Variants in SGCZ observed in about 807,000 individuals in gnomAD.
SGCZ encodes the protein zeta-sarcoglycan.
A neutral mutation model predicts 41.3 loss-of-function variants in SGCZ; 40 were observed. The observed-to-expected ratio is 0.97, with a 90% CI of 0.75 to 1.26. The LOEUF (loss-of-function observed/expected upper bound fraction) is 1.26. Ranked by LOEUF, SGCZ falls within the 50% of genes most tolerant of loss-of-function variation. SGCZ has a pLI of 0.00. For missense variants in SGCZ, 552 were observed against 369.8 expected, an observed-to-expected ratio of 1.49 and a Z score of -4.04; for synonymous variants, 206 against 137.5, an observed-to-expected ratio of 1.50 and a Z score of -3.49.
At chr8:14,316,812 GACACACACACACACACACAC>G (rs55956388) in intron 3 of SGCZ, among the ~76,000 whole-genome samples, 4 of 142,498 alleles carry the variant, frequency 2.8e-5, no homozygotes, top group African/African-American at 1.0e-4. Context: ...ATTTATTATA[GACACACACACACACACACAC>G]ACACACACAC....
intron 1 of SGCZ, among the ~76,000 whole-genome samples, chr8:14,614,431 A>G (rs1345543074): frequency 6.6e-6 from 1 of 152,194 alleles, no homozygotes; most frequent in East Asian, 1.9e-4. Flanking sequence ...AAAGTTCTGT[A>G]TATGCATTAA....
intron 1 of SGCZ, among the ~76,000 whole-genome samples, chr8:14,871,958 G>A (rs1404458223): frequency 6.7e-6 from 1 of 150,038 alleles, no homozygotes; most frequent in Admixed American, 6.7e-5. Context: ...ATATATATAG[G>A]ACATATACAC....
At chr8:14,717,166 G>GA (rs1487855255) in intron 1 of SGCZ, among the ~76,000 whole-genome samples, 1 of 151,882 alleles carries the variant, frequency 6.6e-6, no homozygotes, top group Non-Finnish European at 1.5e-5. Context: ...GTATCATTTA[G>GA]AAAAATTTTT....
chr8:15,033,845 C>T (rs572842969), intron 1 of SGCZ, among the ~76,000 whole-genome samples: 10 of 152,214 alleles, frequency 6.6e-5, no homozygotes, highest in Non-Finnish European at 1.0e-4. Context: ...ATTCAGGCAC[C>T]GTACTCAACC....
chr8:14,606,288 A>T (rs1011725931), intron 1 of SGCZ, among the ~76,000 whole-genome samples: 1 of 152,008 alleles, frequency 6.6e-6, no homozygotes, highest in Non-Finnish European at 1.5e-5. Context: ...TTCTTGCTTC[A>T]TATTCACTAA....
At chr8:14,891,240 C>G (rs1805005000) in intron 1 of SGCZ, among the ~76,000 whole-genome samples, 1 of 152,172 alleles carries the variant, frequency 6.6e-6, no homozygotes. Context: ...GCATAGTAAA[C>G]TGAAAACCTT....
chr8:14,952,340 C>G (rs1266985432), intron 1 of SGCZ, among the ~76,000 whole-genome samples: 1 of 151,652 alleles, frequency 6.6e-6, no homozygotes, highest in African/African-American at 2.4e-5. Flanking sequence ...AAGGTTTTTC[C>G]TTTTTTTTCC....
At chr8:14,274,666 A>G (rs566230373) in intron 3 of SGCZ, among the ~76,000 whole-genome samples, 28 of 152,120 alleles carry the variant, frequency 1.8e-4, no homozygotes, top group Non-Finnish European at 3.5e-4. Context: ...CTCCCTAAAC[A>G]TTTATTTAGA....
intron 3 of SGCZ, among the ~76,000 whole-genome samples, chr8:14,317,165 A>T (rs1175378614): frequency 2.0e-5 from 3 of 152,090 alleles, no homozygotes. Context: ...CATGTAAAAC[A>T]TTTAGCGCAA....
chr8:15,033,160 A>T (rs1803744462), intron 1 of SGCZ, among the ~76,000 whole-genome samples: 1 of 149,916 alleles, frequency 6.7e-6, no homozygotes, highest in Admixed American at 6.6e-5. Context: ...CTAGACCCCA[A>T]GTCTGAATGA....
intron 1 of SGCZ, among the ~76,000 whole-genome samples, chr8:15,222,058 G>A (rs80321631): frequency 0.067 from 10,135 of 152,068 alleles, 449 homozygotes; most frequent in Middle Eastern, 0.12. Flanking sequence ...TCGTAATTAC[G>A]TAACATTTTC....
intron 3 of SGCZ, among the ~76,000 whole-genome samples, chr8:14,264,573 T>C (rs893547878): frequency 6.6e-6 from 1 of 152,094 alleles, no homozygotes; most frequent in Admixed American, 6.6e-5. Flanking sequence ...AAAATGGGCT[T>C]AGAGCATTAT....
At chr8:14,797,991 T>A (rs545889235) in intron 1 of SGCZ, among the ~76,000 whole-genome samples, 3 of 152,194 alleles carry the variant, frequency 2.0e-5, no homozygotes, top group Admixed American at 1.3e-4. Flanking sequence ...AATACCTGCA[T>A]GTCTAAGCAG....
chr8:15,053,092 C>T (rs546124796), intron 1 of SGCZ, among the ~76,000 whole-genome samples: 3 of 152,208 alleles, frequency 2.0e-5, no homozygotes, highest in African/African-American at 2.4e-5. Flanking sequence ...GAGCTCCTAC[C>T]TTGACCTTGT....
intron 1 of SGCZ, among the ~76,000 whole-genome samples, chr8:14,789,310 A>T (rs1046052204): frequency 5.3e-5 from 8 of 152,200 alleles, no homozygotes; most frequent in Non-Finnish European, 1.2e-4. Flanking sequence ...GCCTCATTCA[A>T]CCTCATCTGG....
intron 2 of SGCZ, among the ~76,000 whole-genome samples, chr8:14,530,246 T>C (rs888688259): frequency 4.6e-5 from 7 of 152,064 alleles, no homozygotes; most frequent in Admixed American, 3.9e-4. Context: ...TACCCTAAAA[T>C]AGAGTAATGC....
chr8:14,258,284 C>A (rs1056896171), intron 3 of SGCZ, among the ~76,000 whole-genome samples: 1 of 152,082 alleles, frequency 6.6e-6, no homozygotes, highest in Non-Finnish European at 1.5e-5. Flanking sequence ...ATTAAACTTA[C>A]ACCATTAATC....
chr8:14,746,241 CT>C (rs1178624512), intron 1 of SGCZ, among the ~76,000 whole-genome samples: 2 of 152,030 alleles, frequency 1.3e-5, no homozygotes, highest in Non-Finnish European at 2.9e-5. Context: ...AAAAAACCTG[CT>C]TTTTATTCCA....
chr8:14,742,210 T>C (rs1045349923), intron 1 of SGCZ, among the ~76,000 whole-genome samples: 2 of 152,088 alleles, frequency 1.3e-5, no homozygotes, highest in African/African-American at 4.8e-5. Context: ...GTCAGTCTAA[T>C]GATCCATCTG....
Sources: allele counts gnomAD v4.1 joint callset (sites outside exome capture counted in the v4.1 genomes callset), GRCh38; gene constraint gnomAD v4.1.1; transcripts MANE v1.5; gene names NCBI Gene and HGNC (gene_info 2026-07-23, HGNC 2026-07-21).